The following WWC2 variants were observed in gnomAD, a reference collection of about 807,000 sequenced individuals.
WWC2 encodes protein WWC2.
In WWC2, 101 loss-of-function variants were observed where a neutral mutation model predicts 138.5. The ratio of observed to expected loss-of-function variants is 0.73; its 90% CI spans 0.62 to 0.86. The LOEUF (loss-of-function observed/expected upper bound fraction) is 0.86, where lower values mean the gene tolerates loss of function less well. Among genes scored for constraint, WWC2 ranks in the 40% least tolerant of loss-of-function variants. WWC2 has a pLI of 0.00. For synonymous variants in WWC2, 558 were observed against 538.4 expected, an observed-to-expected ratio of 1.04 and a Z score of -0.50; for missense variants, 1,420 against 1,419.4, an observed-to-expected ratio of 1.00 and a Z score of -0.01.
At chr4:183,119,086 G>A (rs1048229394) in intron 1 of WWC2, among the ~76,000 whole-genome samples, 1 of 152,046 alleles carries the variant, frequency 6.6e-6, no homozygotes, top group Non-Finnish European at 1.5e-5. Context: ...TGATTCTGTT[G>A]TGTGATTTTT....
chr4:183,184,301 A>G (rs1000952162), intron 1 of WWC2, among the ~76,000 whole-genome samples: 2 of 152,190 alleles, frequency 1.3e-5, no homozygotes, highest in African/African-American at 2.4e-5. Flanking sequence ...TGTAGCATGT[A>G]TAAGTACTTC....
chr4:183,253,612 C>T, intron 8 of WWC2, 145 bp from the exon 9 acceptor site: 1 of 953,978 alleles, frequency 1.0e-6, no homozygotes, highest in Non-Finnish European at 1.5e-6. Flanking sequence ...ACTCCGGCCT[C>T]TCACCAGTAG....
intron 9 of WWC2, among the ~76,000 whole-genome samples, chr4:183,257,552 G>A (rs1035517354): frequency 5.3e-5 from 8 of 152,208 alleles, no homozygotes; most frequent in African/African-American, 1.9e-4. Flanking sequence ...ACAGGCAGGA[G>A]TTGGAGAAGA....
intron 1 of WWC2, among the ~76,000 whole-genome samples, chr4:183,172,133 C>G (rs1422841696): frequency 6.6e-6 from 1 of 152,136 alleles, no homozygotes. Flanking sequence ...CAGTACATTC[C>G]AACACACTGT....
chr4:183,103,891 C>T (rs997245742), intron 1 of WWC2, among the ~76,000 whole-genome samples: 1 of 152,126 alleles, frequency 6.6e-6, no homozygotes, highest in Non-Finnish European at 1.5e-5. Context: ...ACCTTGGCCT[C>T]CCAAAGTGCT....
At chr4:183,169,869 G>A (rs1734228978) in intron 1 of WWC2, among the ~76,000 whole-genome samples, 1 of 152,042 alleles carries the variant, frequency 6.6e-6, no homozygotes. Context: ...TGTTTTCATT[G>A]CAGGAACACT....
At chr4:183,160,895 C>A (rs1319704139) in intron 1 of WWC2, among the ~76,000 whole-genome samples, 1 of 152,122 alleles carries the variant, frequency 6.6e-6, no homozygotes, top group Admixed American at 6.6e-5. Flanking sequence ...TAAGGCAACT[C>A]CATCAGGAAC....
intron 4 of WWC2, among the ~76,000 whole-genome samples, chr4:183,233,107 CAT>C (rs1406504021): frequency 7.2e-6 from 1 of 139,410 alleles, no homozygotes; most frequent in African/African-American, 2.7e-5. Flanking sequence ...ATTGTTGGCT[CAT>C]GTGGTAATTT....
intron 21 of WWC2, among the ~76,000 whole-genome samples, chr4:183,306,881 C>CAAAAAA (rs55750701): frequency 7.0e-5 from 6 of 85,122 alleles, no homozygotes; most frequent in East Asian, 3.6e-4. Context: ...ATATATGAGG[C>CAAAAAA]AAAAAAAAAA....
intron 4 of WWC2, among the ~76,000 whole-genome samples, chr4:183,224,291 G>A (rs1736008862): frequency 6.6e-6 from 1 of 151,972 alleles, no homozygotes; most frequent in Admixed American, 6.6e-5. Flanking sequence ...CTTTTTTATT[G>A]TAGTAGTAAT....
At chr4:183,183,911 C>T (rs746513738) in intron 1 of WWC2, among the ~76,000 whole-genome samples, 2 of 152,096 alleles carry the variant, frequency 1.3e-5, no homozygotes, top group Non-Finnish European at 2.9e-5. Context: ...TTTTTACTAT[C>T]TTTTGTGAAA....
intron 1 of WWC2, among the ~76,000 whole-genome samples, chr4:183,154,028 A>T (rs9999562): frequency 0.012 from 1,504 of 129,286 alleles, 43 homozygotes; most frequent in African/African-American, 0.041. Context: ...AAAAAAAAAA[A>T]CCCCAAATCT....
chr4:183,266,771 T>G (rs1163229844), intron 14 of WWC2, among the ~76,000 whole-genome samples: 1 of 152,198 alleles, frequency 6.6e-6, no homozygotes, highest in Non-Finnish European at 1.5e-5. Flanking sequence ...TTTGGAAATT[T>G]AAAAAGAGCT....
intron 22 of WWC2, among the ~76,000 whole-genome samples, chr4:183,314,492 C>A (rs959892977): frequency 2.0e-5 from 3 of 152,196 alleles, no homozygotes; most frequent in Non-Finnish European, 4.4e-5. Context: ...ATTTGCACGG[C>A]TACCGTTGCC....
At chr4:183,198,897 A>G (rs997077206) in intron 2 of WWC2, among the ~76,000 whole-genome samples, 1 of 151,496 alleles carries the variant, frequency 6.6e-6, no homozygotes, top group Admixed American at 6.6e-5. Context: ...TTTACTGGAC[A>G]TTCAAGAGAT....
chr4:183,179,182 G>A (rs1325704741), intron 1 of WWC2, among the ~76,000 whole-genome samples: 1 of 152,210 alleles, frequency 6.6e-6, no homozygotes. Flanking sequence ...TAGGCTGTAT[G>A]TAGAGAAAGG....
chr4:183,189,782 T>C (rs116186113), intron 1 of WWC2, among the ~76,000 whole-genome samples: 1 of 152,348 alleles, frequency 6.6e-6, no homozygotes, highest in African/African-American at 2.4e-5. Context: ...TTTAGTAACC[T>C]GAAATGTTTT....
intron 21 of WWC2, among the ~76,000 whole-genome samples, chr4:183,291,654 T>C (rs1269727011): frequency 6.6e-6 from 1 of 152,198 alleles, no homozygotes; most frequent in African/African-American, 2.4e-5. Context: ...TGTGTCATGA[T>C]ATGAAATTCT....
At chr4:183,212,576 GA>G (rs879919912) in intron 4 of WWC2, among the ~76,000 whole-genome samples, 3 of 152,096 alleles carry the variant, frequency 2.0e-5, no homozygotes, top group Non-Finnish European at 4.4e-5. Flanking sequence ...ACTTCCCTCT[GA>G]AATTTTCACC....
Sources: allele counts gnomAD v4.1 joint callset (sites outside exome capture counted in the v4.1 genomes callset), GRCh38; gene constraint gnomAD v4.1.1; transcripts MANE v1.5; gene names NCBI Gene and HGNC (gene_info 2026-07-23, HGNC 2026-07-21).